The following CADM2 variants were observed in gnomAD, a reference collection of about 807,000 sequenced individuals.
The protein encoded by CADM2 is cell adhesion molecule 2.
Under a neutral mutation model 49.8 loss-of-function variants are expected in CADM2, and 12 were observed. The observed-to-expected ratio is 0.24, with a 90% CI of 0.15 to 0.39. The LOEUF (loss-of-function observed/expected upper bound fraction) is 0.39, where lower values mean the gene tolerates loss of function less well. Among genes scored for constraint, CADM2 ranks in the 10% least tolerant of loss-of-function variants. The pLI is 1.00. For missense variants in CADM2, 378 were observed against 492.3 expected, an observed-to-expected ratio of 0.77 and a Z score of 2.20; for synonymous variants, 214 against 175.4, an observed-to-expected ratio of 1.22 and a Z score of -1.74.
At chr3:86,054,874 T>A (rs921385808) in intron 8 of CADM2, among the ~76,000 whole-genome samples, 2 of 152,176 alleles carry the variant, frequency 1.3e-5, no homozygotes, top group Non-Finnish European at 2.9e-5. Flanking sequence ...TATGGCAATG[T>A]CATATTGAAG....
chr3:85,768,508 T>TA (rs763900495), intron 2 of CADM2, among the ~76,000 whole-genome samples: 214 of 144,966 alleles, frequency 1.5e-3, no homozygotes, highest in Non-Finnish European at 2.3e-3. Context: ...CTTTTTTTTT[T>TA]ATCTAACTGG....
At position 86,067,467 on chromosome 3, in the gene CADM2, T is replaced by A. The variant is rs1739463881; in HGVS notation, c.*684T>A. ...ATGGTATTTTCTATAATTATAGAGA[T>A]CTTACTATTAGGATATTGTAGCTTC... On this transcript the variant is annotated 3_prime_UTR_variant, in exon 10 of 10. Coordinates refer to ENST00000383699, the MANE Select transcript of CADM2 (RefSeq NM_001167675.2). 1 of 152,584 alleles carries A rather than the reference T, an allele frequency of 6.6e-6. No individual in the cohort carries two copies. The highest frequency in any genetic ancestry group is 2.1e-4 in the South Asian group (1 of 4,832). 9.5% of individuals were successfully genotyped at this position (152,584 alleles called of 1,614,324 possible).
intron 2 of CADM2, among the ~76,000 whole-genome samples, chr3:85,744,305 A>G (rs1378320028): frequency 6.6e-6 from 1 of 152,160 alleles, no homozygotes; most frequent in African/African-American, 2.4e-5. Flanking sequence ...TGATAGCACA[A>G]TGGGGTAACT....
chr3:85,423,097 G>A (rs775852207), intron 1 of CADM2, among the ~76,000 whole-genome samples: 5 of 152,064 alleles, frequency 3.3e-5, no homozygotes, highest in African/African-American at 7.2e-5. Context: ...GATGGAGTGG[G>A]AAAATGATCT....
intron 1 of CADM2, among the ~76,000 whole-genome samples, chr3:85,674,686 G>A (rs1474629656): frequency 6.6e-6 from 1 of 152,108 alleles, no homozygotes; most frequent in East Asian, 1.9e-4. Context: ...TGATAAATAT[G>A]TCCAAGTATG....
intron 1 of CADM2, among the ~76,000 whole-genome samples, chr3:85,650,972 C>G (rs1290060963): frequency 6.8e-6 from 1 of 148,116 alleles, no homozygotes; most frequent in East Asian, 2.0e-4. Flanking sequence ...CTTCAAATTG[C>G]GCCTTCATTT....
intron 1 of CADM2, among the ~76,000 whole-genome samples, chr3:85,498,025 T>C (rs1228498976): frequency 5.3e-5 from 8 of 152,180 alleles, no homozygotes; most frequent in East Asian, 1.9e-4. Context: ...GGCATTTTCA[T>C]AGTAATGGAC....
intron 6 of CADM2, among the ~76,000 whole-genome samples, chr3:85,924,554 T>C (rs557985422): frequency 1.3e-5 from 2 of 151,906 alleles, no homozygotes; most frequent in Non-Finnish European, 2.9e-5. Flanking sequence ...ATGGCACCAC[T>C]GCACTCCAGC....
intron 7 of CADM2, among the ~76,000 whole-genome samples, chr3:85,957,586 G>C (rs943431942): frequency 6.6e-6 from 1 of 151,748 alleles, no homozygotes; most frequent in Non-Finnish European, 1.5e-5. Flanking sequence ...GACACCAACT[G>C]GGTGTCATGT....
chr3:85,878,427 G>A (rs1712237964), intron 3 of CADM2, among the ~76,000 whole-genome samples: 1 of 152,082 alleles, frequency 6.6e-6, no homozygotes, highest in South Asian at 2.1e-4. Context: ...AATAATCATA[G>A]AAACAACTGA....
chr3:86,052,489 T>C (rs957347291), intron 8 of CADM2, among the ~76,000 whole-genome samples: 2 of 152,174 alleles, frequency 1.3e-5, no homozygotes, highest in Non-Finnish European at 2.9e-5. Context: ...TTCATTGGTA[T>C]GTTTGGCCTA....
chr3:85,706,215 C>T (rs1437326549), intron 1 of CADM2, among the ~76,000 whole-genome samples: 1 of 152,144 alleles, frequency 6.6e-6, no homozygotes, highest in Non-Finnish European at 1.5e-5. Context: ...ATTAACTCTA[C>T]ATTGTGTTCT....
At chr3:85,271,902 A>G (rs1382237768) in intron 1 of CADM2, among the ~76,000 whole-genome samples, 2 of 151,304 alleles carry the variant, frequency 1.3e-5, no homozygotes, top group East Asian at 3.9e-4. Context: ...AAATCCATTT[A>G]TATTCAATAA....
chr3:85,356,878 T>C (rs2031904576), intron 1 of CADM2, among the ~76,000 whole-genome samples: 1 of 152,110 alleles, frequency 6.6e-6, no homozygotes. Context: ...ATGGGTATTT[T>C]ATGATAAAAT....
chr3:85,231,905 G>C (rs1223214881), intron 1 of CADM2, among the ~76,000 whole-genome samples: 2 of 151,190 alleles, frequency 1.3e-5, no homozygotes, highest in Non-Finnish European at 2.9e-5. Flanking sequence ...AGTAGAGATG[G>C]GGTTTCACCA....
At position 85,156,327 on chromosome 3, in the gene CADM2, C is replaced by A. The variant is rs1306167107; in HGVS notation, c.61+196659C>A. Reference sequence around the variant, plus strand: ...ATCCCATAGAAATACAAACTACCATCAGAGAATACTACAAACACCTCTACA... The same window carrying A: ...ATCCCATAGAAATACAAACTACCATAAGAGAATACTACAAACACCTCTACA... On this transcript the variant is annotated intron_variant, in intron 1 of 9. Coordinates refer to ENST00000383699, the MANE Select transcript of CADM2 (RefSeq NM_001167675.2). Among the ~76,000 whole-genome samples, 9 of 152,084 alleles carry A rather than the reference C, an allele frequency of 5.9e-5. No homozygotes were observed. The East Asian group carries it at 1.5e-3, about 26-fold the overall frequency.
intron 8 of CADM2, among the ~76,000 whole-genome samples, chr3:85,995,736 A>G (rs1729309666): frequency 6.6e-6 from 1 of 152,144 alleles, no homozygotes. Context: ...GATATATTCT[A>G]ATTTTATACA....
chr3:85,226,059 T>TTTG (rs374553929), intron 1 of CADM2, among the ~76,000 whole-genome samples: 89 of 152,172 alleles, frequency 5.8e-4, no homozygotes, highest in African/African-American at 2.0e-3. Flanking sequence ...GGCCTAAAAT[T>TTTG]TTGTTGTTGT....
chr3:85,164,179 A>G (rs1397220140), intron 1 of CADM2, among the ~76,000 whole-genome samples: 4 of 152,046 alleles, frequency 2.6e-5, no homozygotes, highest in Non-Finnish European at 5.9e-5. Flanking sequence ...ATTTTTATAT[A>G]CTTTTCATGT....
Sources: allele counts gnomAD v4.1 joint callset (sites outside exome capture counted in the v4.1 genomes callset), GRCh38; gene constraint gnomAD v4.1.1; transcripts MANE v1.5; gene names NCBI Gene and HGNC (gene_info 2026-07-23, HGNC 2026-07-21).